The following SCAF8 variants were observed in gnomAD, a reference collection of about 807,000 sequenced individuals.
The protein encoded by SCAF8 is SR-related and CTD-associated factor 8.
A neutral mutation model predicts 140.5 loss-of-function variants in SCAF8; 23 were observed. The ratio of observed to expected loss-of-function variants is 0.16; its 90% CI spans 0.12 to 0.23. The LOEUF (loss-of-function observed/expected upper bound fraction) is 0.23, where lower values mean the gene tolerates loss of function less well. SCAF8 is among the 10% of genes least tolerant of loss of function. The pLI is 1.00. For synonymous variants in SCAF8, 575 were observed against 528.9 expected (o/e 1.09, Z -1.20); for missense variants, 1,397 against 1,555.7 (o/e 0.90, Z 1.72).
chr6:154,784,015 C>T (rs907579748), intron 3 of SCAF8, among the ~76,000 whole-genome samples: 4 of 151,378 alleles, frequency 2.6e-5, no homozygotes, highest in African/African-American at 7.3e-5. Context: ...TGCAGTGAGC[C>T]GAGATCATGC....
Position 154,764,812 on chromosome 6 carries a change from T to C in SCAF8, c.31-9177T>C, listed in dbSNP as rs140276003. Among the ~76,000 whole-genome samples the C allele has an allele frequency of 2.5e-3, 388 of 152,300 alleles. 4 individuals carry two copies. The highest frequency in any genetic ancestry group is 8.7e-3 in the African/African-American group (360 of 41,572). On this transcript the variant is annotated intron_variant, in intron 1 of 19. Coordinates refer to ENST00000367178, the MANE Select transcript of SCAF8 (RefSeq NM_014892.5). Reference sequence around the variant, plus strand: ...CAGCTTTCATTCTTTTTCAGCGTTTTTCAGCGTAAAACCATGATTTTTTAT... The same window carrying C: ...CAGCTTTCATTCTTTTTCAGCGTTTCTCAGCGTAAAACCATGATTTTTTAT...
At chr6:154,780,107 TCAC>T (rs1490758723) in intron 3 of SCAF8, among the ~76,000 whole-genome samples, 5 of 152,174 alleles carry the variant, frequency 3.3e-5, no homozygotes, top group African/African-American at 1.2e-4. Flanking sequence ...AACAGTTCCT[TCAC>T]CACTAGGATG....
chr6:154,744,420 A>G (rs1778646512), intron 1 of SCAF8, among the ~76,000 whole-genome samples: 1 of 152,212 alleles, frequency 6.6e-6, no homozygotes, highest in Admixed American at 6.5e-5. Flanking sequence ...GAAAAAAGTG[A>G]ACCACTTTAT....
chr6:154,779,785 A>G (rs773974681), intron 3 of SCAF8, among the ~76,000 whole-genome samples: 24,933 of 74,318 alleles, frequency 0.34, 2,167 homozygotes, highest in East Asian at 0.55. Context: ...GTGTGTGTAT[A>G]TATATATATA....
chr6:154,824,248 A>G lies in SCAF8; in HGVS notation c.1941A>G (p.Pro647=). ...ATCCACAAAAGATTCCAGTGGCGCC[A>G]GCCGTGCCTACAGTTAGTTTAGTCC... ...PVAMLQIPVA[P]AVPTVSLVPP... The change falls in exon 17 of 20, where the codon CCA becomes CCG. Residue 647 remains proline, a synonymous_variant. Transcript: ENST00000367178. 4 of 1,613,934 alleles carry G rather than the reference A, an allele frequency of 2.5e-6. No individual in the cohort carries two copies. The highest frequency in any genetic ancestry group is 3.4e-6 in the Non-Finnish European group (4 of 1,179,856).
At chr6:154,804,203 A>T (rs1188212756) in intron 8 of SCAF8, among the ~76,000 whole-genome samples, 1 of 152,158 alleles carries the variant, frequency 6.6e-6, no homozygotes, top group Non-Finnish European at 1.5e-5. Flanking sequence ...TGGAAGAAGG[A>T]TGAATGGTGA....
chr6:154,786,495 G>A (rs1349319364), intron 3 of SCAF8, among the ~76,000 whole-genome samples: 1 of 152,216 alleles, frequency 6.6e-6, no homozygotes, highest in Non-Finnish European at 1.5e-5. Context: ...TCTTACAAAG[G>A]CAGACTGGTA....
intron 1 of SCAF8, among the ~76,000 whole-genome samples, chr6:154,747,903 T>C (rs887631541): frequency 3.0e-5 from 3 of 100,648 alleles, no homozygotes; most frequent in African/African-American, 1.4e-4. Flanking sequence ...TTTCTGTGTG[T>C]GTGTGTGTGT....
intron 1 of SCAF8, among the ~76,000 whole-genome samples, chr6:154,770,433 G>A (rs1368611232): frequency 1.3e-5 from 2 of 148,278 alleles, no homozygotes; most frequent in Non-Finnish European, 3.0e-5. Flanking sequence ...CTAGTTGAGT[G>A]TGGCGGTCCG....
At chr6:154,816,138 G>C (rs1358969519) in intron 13 of SCAF8, among the ~76,000 whole-genome samples, 2 of 152,128 alleles carry the variant, frequency 1.3e-5, no homozygotes. Flanking sequence ...TTAAAAAACT[G>C]TCTCTGAGGA....
At chr6:154,741,958 T>A (rs1163596869) in intron 1 of SCAF8, 1 of 1,530,886 alleles carries the variant, frequency 6.5e-7, no homozygotes, top group Non-Finnish European at 8.8e-7. Context: ...TCTCTCAGGA[T>A]TGTGCCTCTA....
chr6:154,735,920 G>C (rs1335499129), intron 1 of SCAF8, among the ~76,000 whole-genome samples: 1 of 151,584 alleles, frequency 6.6e-6, no homozygotes, highest in Admixed American at 6.6e-5. Context: ...TTTGCCTCCC[G>C]GGCCCAAGGG....
intron 5 of SCAF8, 58 bp from the exon 6 acceptor site, chr6:154,794,951 C>T: frequency 6.9e-7 from 1 of 1,447,314 alleles, no homozygotes; most frequent in East Asian, 2.4e-5. Context: ...TCTGCTTTTT[C>T]TAGTCTTAGT....
intron 10 of SCAF8, 147 bp downstream of exon 10, chr6:154,808,348 C>A: frequency 1.2e-6 from 1 of 846,384 alleles, no homozygotes; most frequent in Non-Finnish European, 1.8e-6. Flanking sequence ...CCAAGCTTGT[C>A]CAAGGCCTAA....
Position 154,795,157 on chromosome 6 carries a change from TATATC to T in SCAF8, c.606+20_606+24del. The T allele has an allele frequency of 6.3e-7, 1 of 1,590,774 alleles. No individual in the cohort carries two copies. Among genetic ancestry groups the T allele is most frequent in the Non-Finnish European group, 8.5e-7 (1 of 1,171,524 alleles). ...GCCAGCAGGTGAGCGGTTTTTCTGT[TATATC>T]AAGAATAATTTAGAATTTAATATTT... On this transcript the variant is annotated intron_variant, in intron 6 of 19. Transcript: ENST00000367178.
At chr6:154,819,195 T>G (rs1312359918) in intron 14 of SCAF8, among the ~76,000 whole-genome samples, 1 of 152,230 alleles carries the variant, frequency 6.6e-6, no homozygotes, top group Admixed American at 6.5e-5. Flanking sequence ...TTTAACTACT[T>G]TCATTAAAGT....
In SCAF8 at chr6:154,758,744, C is replaced by T. The variant is rs967231959; in HGVS notation, c.31-15245C>T. Among the ~76,000 whole-genome samples, 6 of 152,286 alleles carry T rather than the reference C, an allele frequency of 3.9e-5. No individual in the cohort carries two copies. In the South Asian group the frequency reaches 6.2e-4, roughly 16 times the overall value. On this transcript the variant is annotated intron_variant, in intron 1 of 19. Coordinates refer to ENST00000367178, the MANE Select transcript of SCAF8 (RefSeq NM_014892.5). ...TAATAGAGACCTCTGTTTCCTCTTCCGTTAGCCACAGATGGATCTTCTTGA... is the reference window on the plus strand; with the variant it reads ...TAATAGAGACCTCTGTTTCCTCTTCTGTTAGCCACAGATGGATCTTCTTGA...
chr6:154,742,641 A>G (rs1778599370), intron 1 of SCAF8, among the ~76,000 whole-genome samples: 1 of 152,162 alleles, frequency 6.6e-6, no homozygotes, highest in South Asian at 2.1e-4. Flanking sequence ...TTGTTTTATA[A>G]GAGTTTCTGA....
chr6:154,806,200 C>G (rs983278894), intron 9 of SCAF8, among the ~76,000 whole-genome samples: 1 of 151,998 alleles, frequency 6.6e-6, no homozygotes, highest in Non-Finnish European at 1.5e-5. Context: ...GTTCATCTTA[C>G]GAATTTGATA....
Sources: gnomAD v4.1 joint callset for allele counts (sites outside exome capture counted in the v4.1 genomes callset) on GRCh38, gnomAD v4.1.1 for gene constraint, MANE v1.5 for transcripts, NCBI Gene and HGNC (gene_info 2026-07-23, HGNC 2026-07-21) for gene names.